TRMT11: variants seen among roughly 807,000 people sequenced by gnomAD.
The protein encoded by TRMT11 is tRNA methyltransferase 11.
In TRMT11, 53 loss-of-function variants were observed where a neutral mutation model predicts 62.8. That is an observed-to-expected ratio of 0.84 (90% CI 0.68 to 1.06). The LOEUF is 1.06. TRMT11 is among the 50% of genes least tolerant of loss of function. The pLI, the probability that TRMT11 is intolerant of heterozygous loss-of-function variation, is 0.00. For missense variants in TRMT11, 556 were observed against 553.4 expected (o/e 1.00, Z -0.05); for synonymous variants, 188 against 190.3 (o/e 0.99, Z 0.10).
At chr6:126,051,894 T>C (rs776968960) in intron 16 of TRMT11, among the ~76,000 whole-genome samples, 3 of 152,086 alleles carry the variant, frequency 2.0e-5, no homozygotes, top group Non-Finnish European at 4.4e-5. Flanking sequence ...AGAAGATCCC[T>C]GTATGGGACA....
chr6:125,997,147 A>G (rs923048210), intron 3 of TRMT11, among the ~76,000 whole-genome samples: 3 of 152,172 alleles, frequency 2.0e-5, no homozygotes, highest in Admixed American at 6.5e-5. Context: ...GCTTTTTATT[A>G]TCTATATATT....
intron 1 of TRMT11, among the ~76,000 whole-genome samples, chr6:126,182,861 C>A (rs1212781379): frequency 6.6e-6 from 1 of 152,080 alleles, no homozygotes; most frequent in African/African-American, 2.4e-5. Context: ...ATTTTGCAAT[C>A]TCTGCCCAGT....
chr6:126,054,975 T>C (rs555944349), intron 17 of TRMT11, among the ~76,000 whole-genome samples: 1 of 152,306 alleles, frequency 6.6e-6, no homozygotes, highest in African/African-American at 2.4e-5. Context: ...ACATTTTTGT[T>C]GTTTTTTGAG....
chr6:126,209,646 A>C, the TRMT11 span, among the ~76,000 whole-genome samples: 1 of 151,978 alleles, frequency 6.6e-6, no homozygotes, highest in Non-Finnish European at 1.5e-5. Flanking sequence ...GAATGGCGTG[A>C]ACTTGGGAGG....
At chr6:126,148,938 A>G (rs966309783) in intron 21 of TRMT11, among the ~76,000 whole-genome samples, 2 of 152,228 alleles carry the variant, frequency 1.3e-5, no homozygotes, top group Non-Finnish European at 2.9e-5. Flanking sequence ...GGATAATATT[A>G]ATATTACCTA....
intron 12 of TRMT11, among the ~76,000 whole-genome samples, chr6:126,029,086 A>G (rs992063347): frequency 6.6e-6 from 1 of 152,146 alleles, no homozygotes; most frequent in Non-Finnish European, 1.5e-5. Flanking sequence ...TAATTCTTGC[A>G]TGAGTGACAG....
intron 12 of TRMT11, among the ~76,000 whole-genome samples, chr6:126,025,650 A>C (rs897195798): frequency 1.6e-4 from 25 of 152,314 alleles, no homozygotes; most frequent in African/African-American, 6.0e-4. Context: ...GCAAGATCTC[A>C]ATCCTTTATA....
chr6:126,028,789 C>T (rs770747747), intron 12 of TRMT11, among the ~76,000 whole-genome samples: 2 of 152,098 alleles, frequency 1.3e-5, no homozygotes, highest in Non-Finnish European at 2.9e-5. Context: ...GGAAAGCAGG[C>T]ATTTAAGATA....
the TRMT11 span, among the ~76,000 whole-genome samples, chr6:126,252,328 G>A: frequency 1.3e-5 from 2 of 152,196 alleles, no homozygotes; most frequent in Non-Finnish European, 2.9e-5. Flanking sequence ...TGGCCAACAA[G>A]AGTGCCTACA....
chr6:126,031,862 A>G (rs936865200), intron 12 of TRMT11, among the ~76,000 whole-genome samples: 1 of 152,152 alleles, frequency 6.6e-6, no homozygotes, highest in African/African-American at 2.4e-5. Flanking sequence ...TGAGCTGTGG[A>G]AAGTTAGCTG....
At chr6:126,220,969 G>A in the TRMT11 span, among the ~76,000 whole-genome samples, 1 of 152,088 alleles carries the variant, frequency 6.6e-6, no homozygotes, top group African/African-American at 2.4e-5. Context: ...GTGTCCATGT[G>A]TACTCAATGT....
chr6:126,188,253 A>G (rs566826339), intron 1 of TRMT11, among the ~76,000 whole-genome samples: 2 of 152,092 alleles, frequency 1.3e-5, no homozygotes. Context: ...CAAGATTCAC[A>G]TCTAGAATAG....
rs144795171 is a variant in TRMT11 at position 126,150,745 on chromosome 6, C to G, written c.*1824-24080C>G. 1.5e-3 allele frequency among the ~76,000 whole-genome samples: 227 copies of G among 152,298 alleles called. 3 individuals are homozygous for G. The highest frequency in any genetic ancestry group is 4.9e-3 in the African/African-American group (205 of 41,574). ...TTCAGCGGCCATTAAAAATACATTG[C>G]ATATTGCTCTTCCTGAATTCTTGCT... On this transcript the variant is annotated intron_variant and NMD_transcript_variant, in intron 21 of 22. Transcript: ENST00000648977.
At chr6:126,229,079 A>G in the TRMT11 span, among the ~76,000 whole-genome samples, 1 of 152,228 alleles carries the variant, frequency 6.6e-6, no homozygotes, top group African/African-American at 2.4e-5. Context: ...TTCCATTTAT[A>G]TAATCTTTTA....
the TRMT11 span, among the ~76,000 whole-genome samples, chr6:126,269,610 T>A: frequency 6.6e-6 from 1 of 152,338 alleles, no homozygotes; most frequent in South Asian, 2.1e-4. Context: ...TGCACAAGAT[T>A]ATTCATTATA....
chr6:126,090,608 C>T (rs1777263176), intron 17 of TRMT11, among the ~76,000 whole-genome samples: 1 of 152,064 alleles, frequency 6.6e-6, no homozygotes, highest in Non-Finnish European at 1.5e-5. Flanking sequence ...TAAATCTTGG[C>T]CTCATGGAGT....
chr6:126,027,181 G>T (rs181049763), intron 12 of TRMT11, among the ~76,000 whole-genome samples: 130 of 152,276 alleles, frequency 8.5e-4, no homozygotes, highest in African/African-American at 3.0e-3. Flanking sequence ...TGTAGTCACA[G>T]TGGTTACTTC....
intron 9 of TRMT11, 66 bp from the exon 10 acceptor site, chr6:126,012,704 GC>G: frequency 8.5e-7 from 1 of 1,181,516 alleles, no homozygotes; most frequent in Non-Finnish European, 1.2e-6. Flanking sequence ...AGGCAGCATG[GC>G]TGTTTGCCCT....
intron 12 of TRMT11, among the ~76,000 whole-genome samples, chr6:126,025,626 T>C (rs1024632018): frequency 6.6e-6 from 1 of 152,214 alleles, no homozygotes; most frequent in African/African-American, 2.4e-5. Flanking sequence ...TGGAGAGGAA[T>C]GTATATAATT....
Sources: gnomAD v4.1 joint callset for allele counts (sites outside exome capture counted in the v4.1 genomes callset) on GRCh38, gnomAD v4.1.1 for gene constraint, MANE v1.5 for transcripts, NCBI Gene and HGNC (gene_info 2026-07-23, HGNC 2026-07-21) for gene names.